The following FAR1 variants were observed in gnomAD, a reference collection of about 807,000 sequenced individuals.
FAR1 encodes the protein male sterility domain-containing protein 2.
FAR1 carries 22 observed loss-of-function variants against 61.1 expected under a neutral mutation model. The observed-to-expected ratio is 0.36, with a 90% CI of 0.26 to 0.51. The LOEUF is 0.51. FAR1 is among the 20% of genes least tolerant of loss of function. The pLI is 0.95. For synonymous variants in FAR1, 206 were observed against 209.7 expected (o/e 0.98, Z 0.15); for missense variants, 359 against 626.9 (o/e 0.57, Z 4.56).
At position 13,731,138 on chromosome 11, in the gene FAR1, A is replaced by G. The variant is rs375490565; in HGVS notation, c.*2364A>G. 1 of 152,578 alleles carries G rather than the reference A, an allele frequency of 6.6e-6. No individual in the cohort carries two copies. The highest frequency in any genetic ancestry group is 2.4e-5 in the African/African-American group (1 of 41,564). 9.5% of individuals were successfully genotyped at this position (152,578 alleles called of 1,614,324 possible). ...ACATTTGGGGTTTTTCCCCCTATTCAGTTTTAATCTTGGAATATGCATTTG... is the reference window on the plus strand; with the variant it reads ...ACATTTGGGGTTTTTCCCCCTATTCGGTTTTAATCTTGGAATATGCATTTG... On this transcript the variant is annotated 3_prime_UTR_variant, in exon 12 of 12. Coordinates refer to ENST00000354817, the MANE Select transcript of FAR1 (RefSeq NM_032228.6).
intron 10 of FAR1, among the ~76,000 whole-genome samples, chr11:13,722,813 T>C (rs949579816): frequency 2.6e-5 from 4 of 151,318 alleles, no homozygotes; most frequent in Admixed American, 2.6e-4. Flanking sequence ...AGATACTCTT[T>C]TGTTCATTTA....
chr11:13,723,402 T>G (rs1848635213), intron 10 of FAR1: 1 of 418,742 alleles, frequency 2.4e-6, no homozygotes, highest in Non-Finnish European at 4.6e-6. Context: ...AAAAACTTTT[T>G]TATTTATATT....
At chr11:13,722,363 C>T (rs2134199784) in intron 10 of FAR1, among the ~76,000 whole-genome samples, 1 of 152,156 alleles carries the variant, frequency 6.6e-6, no homozygotes, top group South Asian at 2.1e-4. Flanking sequence ...TTATAGCCTC[C>T]TTCTTAATAA....
intron 1 of FAR1, among the ~76,000 whole-genome samples, chr11:13,693,281 G>GT (rs1403068320): frequency 6.6e-6 from 1 of 152,250 alleles, no homozygotes; most frequent in African/African-American, 2.4e-5. Context: ...TGGGCCATGG[G>GT]TTGGACAAGC....
chr11:13,722,560 G>T (rs963621936), intron 10 of FAR1, among the ~76,000 whole-genome samples: 1 of 151,544 alleles, frequency 6.6e-6, no homozygotes, highest in African/African-American at 2.4e-5. Flanking sequence ...TGCAACCTCT[G>T]CCTCCCGGGT....
intron 9 of FAR1, among the ~76,000 whole-genome samples, chr11:13,719,610 A>ACTT (rs1848588497): frequency 6.6e-6 from 1 of 152,186 alleles, no homozygotes; most frequent in Non-Finnish European, 1.5e-5. Context: ...AACTAGCATA[A>ACTT]CTTTATCTAG....
At chr11:13,723,919 CAT>C (rs1195507107) in intron 10 of FAR1, among the ~76,000 whole-genome samples, 3 of 152,096 alleles carry the variant, frequency 2.0e-5, no homozygotes, top group African/African-American at 4.8e-5. Flanking sequence ...TTTCTTGAAA[CAT>C]ATTAAATATA....
Position 13,719,939 on chromosome 11 carries a change from A to G in FAR1, c.1128-1791A>G, listed in dbSNP as rs200514709. On this transcript the variant is annotated intron_variant, in intron 9 of 11. Transcript: ENST00000354817. ...TAAAGAATAAATACATATTCAGAACATACCTGGCAATGTAGTCATAAACAT... is the reference window on the plus strand; with the variant it reads ...TAAAGAATAAATACATATTCAGAACGTACCTGGCAATGTAGTCATAAACAT... The G allele has an allele frequency of 5.3e-5, 8 of 152,348 alleles. No homozygotes were observed. In the East Asian group the frequency reaches 1.5e-3, roughly 29 times the overall value. 9.4% of individuals were successfully genotyped at this position (152,348 alleles called of 1,614,324 possible).
At chr11:13,724,040 T>TA (rs1848642887) in intron 10 of FAR1, among the ~76,000 whole-genome samples, 1 of 152,186 alleles carries the variant, frequency 6.6e-6, no homozygotes, top group South Asian at 2.1e-4. Flanking sequence ...CTAATTTTTT[T>TA]AAAAAATATT....
chr11:13,672,544 CAA>C (rs34377920), intron 1 of FAR1, among the ~76,000 whole-genome samples: 35 of 111,426 alleles, frequency 3.1e-4, no homozygotes, highest in African/African-American at 3.1e-4. Context: ...GACCCTGTCT[CAA>C]AAAAAAAAAA....
intron 11 of FAR1, among the ~76,000 whole-genome samples, chr11:13,728,120 A>G (rs1302678797): frequency 6.6e-6 from 1 of 151,854 alleles, no homozygotes; most frequent in Non-Finnish European, 1.5e-5. Flanking sequence ...TTACATCTCT[A>G]AAGGTTTGTA....
chr11:13,672,831 T>TAC (rs996451736), intron 1 of FAR1, among the ~76,000 whole-genome samples: 1 of 152,234 alleles, frequency 6.6e-6, no homozygotes, highest in Non-Finnish European at 1.5e-5. Flanking sequence ...ATGGTGGAGA[T>TAC]ACAGTCTTTG....
intron 2 of FAR1, among the ~76,000 whole-genome samples, chr11:13,698,830 CAAA>C (rs75986780): frequency 1.5e-5 from 2 of 131,474 alleles, no homozygotes; most frequent in African/African-American, 2.8e-5. Flanking sequence ...GACTCCGTCT[CAAA>C]AAAAAAAAAA....
intron 3 of FAR1, among the ~76,000 whole-genome samples, chr11:13,705,759 C>G (rs11022941): frequency 0.17 from 26,570 of 152,062 alleles, 2,553 homozygotes; most frequent in Non-Finnish European, 0.2. Flanking sequence ...TTCATAGGGT[C>G]TTGGATACTA....
In FAR1 at chr11:13,728,841, A is replaced by ATAAG; in HGVS notation, c.*69_*72dup. The stretch of plus-strand genomic sequence containing the variant: ...TCTAAATGTACAAAATGTAAAATGT[A>ATAAG]TAAGTCATCTCACTTTTTGTCAAGA... On this transcript the variant is annotated 3_prime_UTR_variant, in exon 12 of 12. Coordinates refer to ENST00000354817, the MANE Select transcript of FAR1 (RefSeq NM_032228.6). The ATAAG allele has an allele frequency of 7.0e-7, 1 of 1,432,184 alleles. No homozygotes were observed. Among genetic ancestry groups the ATAAG allele is most frequent in the African/African-American group, 1.4e-5 (1 of 70,702 alleles). 88.7% of individuals were successfully genotyped at this position (1,432,184 alleles called of 1,614,324 possible).
At chr11:13,723,949 T>G (rs1221812714) in intron 10 of FAR1, among the ~76,000 whole-genome samples, 2 of 152,220 alleles carry the variant, frequency 1.3e-5, no homozygotes, top group Non-Finnish European at 2.9e-5. Context: ...TTCATTCTGC[T>G]TCTGATAATT....
chr11:13,679,978 A>G (rs1342860742), intron 1 of FAR1, among the ~76,000 whole-genome samples: 1 of 152,154 alleles, frequency 6.6e-6, no homozygotes, highest in East Asian at 1.9e-4. Context: ...AGACAGTTAA[A>G]TATTGGTAAA....
At chr11:13,677,609 G>A (rs1848080751) in intron 1 of FAR1, among the ~76,000 whole-genome samples, 1 of 152,134 alleles carries the variant, frequency 6.6e-6, no homozygotes, top group South Asian at 2.1e-4. Context: ...GCCACATTTG[G>A]TTCATGTGGA....
chr11:13,697,393 C>T (rs1276611603), intron 2 of FAR1, among the ~76,000 whole-genome samples: 1 of 151,780 alleles, frequency 6.6e-6, no homozygotes, highest in Non-Finnish European at 1.5e-5. Flanking sequence ...ACCTGGGAGG[C>T]AGAGGTTGCA....
Sources: gnomAD v4.1 joint callset for allele counts (sites outside exome capture counted in the v4.1 genomes callset) on GRCh38, gnomAD v4.1.1 for gene constraint, MANE v1.5 for transcripts, NCBI Gene and HGNC (gene_info 2026-07-23, HGNC 2026-07-21) for gene names.